The following PCDH11X variants were observed in gnomAD, a reference collection of about 807,000 sequenced individuals.
The protein encoded by PCDH11X is protocadherin 11 X-linked, also known as protocadherin-11 X-linked.
PCDH11X carries 18 observed loss-of-function variants against 53.3 expected under a neutral mutation model. That is an observed-to-expected ratio of 0.34 (90% CI 0.23 to 0.50). The LOEUF is 0.50. PCDH11X is among the 20% of genes least tolerant of loss of function. The pLI is 0.98. For missense variants in PCDH11X, 570 were observed against 1,032.4 expected (o/e 0.55, Z 6.14); for synonymous variants, 279 against 393.3 (o/e 0.71, Z 3.44).
intron 1 of PCDH11X, among the ~76,000 whole-genome samples, chrX:91,804,751 G>A (rs1314354523): frequency 1.8e-5 from 2 of 110,801 alleles, no homozygotes; most frequent in African/African-American, 6.5e-5. Flanking sequence ...TATAATAATA[G>A]GCATGTGATA....
chrX:91,864,244 A>T (rs1274748724), intron 5 of PCDH11X, among the ~76,000 whole-genome samples: 2 of 109,454 alleles, frequency 1.8e-5, no homozygotes, highest in Admixed American at 9.8e-5. Context: ...TGTTTGAAGG[A>T]TATTTTCACC....
chrX:92,156,322 C>T (rs1288068467), intron 6 of PCDH11X, among the ~76,000 whole-genome samples: 1 of 109,545 alleles, frequency 9.1e-6, no homozygotes, highest in Non-Finnish European at 1.9e-5. Context: ...GATCTTTGCA[C>T]TGACTGATTC....
intron 6 of PCDH11X, among the ~76,000 whole-genome samples, chrX:91,948,448 A>G (rs1488297152): frequency 9.2e-6 from 1 of 108,491 alleles, no homozygotes; most frequent in Non-Finnish European, 1.9e-5. Context: ...TGTACAGAAG[A>G]AATGTAAAAT....
chrX:92,563,677 A>C (rs1921100159), intron 10 of PCDH11X, among the ~76,000 whole-genome samples: 1 of 112,040 alleles, frequency 8.9e-6, no homozygotes, highest in Admixed American at 9.5e-5. Context: ...ATCAACACCA[A>C]ACCTATCCTA....
At chrX:91,782,786 C>T (rs1201113029) in intron 1 of PCDH11X, among the ~76,000 whole-genome samples, 3 of 111,683 alleles carry the variant, frequency 2.7e-5, no homozygotes, top group Admixed American at 9.4e-5. Context: ...AGACGGAAGC[C>T]CGCTGCGGCT....
intron 9 of PCDH11X, among the ~76,000 whole-genome samples, chrX:92,397,438 C>T (rs2071271403): frequency 9.1e-6 from 1 of 109,692 alleles, no homozygotes; most frequent in Non-Finnish European, 1.9e-5. Context: ...TGCAGAAATG[C>T]CTCTTAAATT....
chrX:91,957,168 A>G (rs1441469609), intron 6 of PCDH11X, among the ~76,000 whole-genome samples: 5 of 110,757 alleles, frequency 4.5e-5, no homozygotes, highest in African/African-American at 1.7e-4. Flanking sequence ...TTGTTTTATC[A>G]TGATTCTTAG....
intron 8 of PCDH11X, among the ~76,000 whole-genome samples, chrX:92,263,974 A>G (rs62598536): frequency 0.12 from 13,345 of 111,618 alleles, 1,228 homozygotes; most frequent in African/African-American, 0.3. Flanking sequence ...AGACGTTTTG[A>G]ATATTAAATT....
chrX:92,136,678 G>C (rs917344775), intron 6 of PCDH11X, among the ~76,000 whole-genome samples: 10 of 105,611 alleles, frequency 9.5e-5, no homozygotes, highest in Non-Finnish European at 1.7e-4. Flanking sequence ...TTTGCTATCT[G>C]TTCAATTACA....
intron 8 of PCDH11X, among the ~76,000 whole-genome samples, chrX:92,333,659 G>A (rs904748621): frequency 5.4e-5 from 6 of 111,316 alleles, no homozygotes; most frequent in Non-Finnish European, 1.1e-4. Flanking sequence ...CAAGTTAATT[G>A]TTTAGTTTCA....
At chrX:92,293,567 A>G (rs6522516) in intron 8 of PCDH11X, among the ~76,000 whole-genome samples, 16,889 of 104,529 alleles carry the variant, frequency 0.16, 2,329 homozygotes, top group East Asian at 0.44. Flanking sequence ...AGCTGGCAGT[A>G]AGCCGAGATC....
At chrX:91,844,642 A>G (rs1463749567) in intron 5 of PCDH11X, among the ~76,000 whole-genome samples, 3 of 107,852 alleles carry the variant, frequency 2.8e-5, no homozygotes, top group African/African-American at 1.0e-4. Context: ...ACATACTTGA[A>G]CTTTTTTATT....
At chrX:92,563,580 T>G (rs1416583311) in intron 10 of PCDH11X, among the ~76,000 whole-genome samples, 1 of 111,643 alleles carries the variant, frequency 9.0e-6, no homozygotes, top group African/African-American at 3.3e-5. Context: ...AAACTTTTAC[T>G]TTCAAATAGT....
chrX:92,459,764 C>G (rs1321221290), intron 9 of PCDH11X: 22 of 1,164,845 alleles, frequency 1.9e-5, no homozygotes, highest in Non-Finnish European at 2.5e-5. Context: ...AGCAGCGCGG[C>G]CAGCGTCTAT....
intron 9 of PCDH11X, among the ~76,000 whole-genome samples, chrX:92,418,525 C>G (rs1445704080): frequency 9.1e-6 from 1 of 109,392 alleles, no homozygotes; most frequent in Non-Finnish European, 1.9e-5. Flanking sequence ...CCACCTTGGA[C>G]CTTTCAAAGA....
intron 10 of PCDH11X, among the ~76,000 whole-genome samples, chrX:92,497,016 T>C (rs2073872018): frequency 8.9e-6 from 1 of 111,792 alleles, no homozygotes; most frequent in Admixed American, 9.5e-5. Context: ...GGGCAATAGT[T>C]AAAGCGGTAA....
intron 10 of PCDH11X, among the ~76,000 whole-genome samples, chrX:92,583,090 C>G (rs1291791735): frequency 1.1e-5 from 1 of 90,610 alleles, no homozygotes; most frequent in Non-Finnish European, 2.2e-5. Flanking sequence ...TCAGATCAGA[C>G]TTTGGACTGT....
chrX:92,182,986 C>A (rs2066022771), intron 6 of PCDH11X, among the ~76,000 whole-genome samples: 1 of 111,400 alleles, frequency 9.0e-6, no homozygotes, highest in African/African-American at 3.3e-5. Context: ...CTTCTTGAGT[C>A]TTTAACATCT....
chrX:92,345,951 G>T lies in PCDH11X; in HGVS notation c.3145-41784G>T, dbSNP rs545932556. Among the ~76,000 whole-genome samples, 11 of 108,269 alleles carry T rather than the reference G, an allele frequency of 1.0e-4. No individual in the cohort carries two copies. In the East Asian group the frequency reaches 2.9e-3, roughly 29 times the overall value. 94.0% of individuals were successfully genotyped at this position (108,269 alleles called of 115,157 possible). On this transcript the variant is annotated intron_variant, in intron 8 of 10. Coordinates refer to ENST00000682573, the MANE Select transcript of PCDH11X (RefSeq NM_032968.5). ...TGTGTGAGTAGCTAATATAGCAAAA[G>T]AATCCTAATATATGAAATCTAAGGA...
Sources: gnomAD v4.1 joint callset for allele counts (sites outside exome capture counted in the v4.1 genomes callset) on GRCh38, gnomAD v4.1.1 for gene constraint, MANE v1.5 for transcripts, NCBI Gene and HGNC (gene_info 2026-07-23, HGNC 2026-07-21) for gene names.